PTPRG: variants seen among roughly 807,000 people sequenced by gnomAD.
PTPRG encodes protein tyrosine phosphatase receptor type G, also known as receptor-type tyrosine-protein phosphatase gamma.
In PTPRG, 102 loss-of-function variants were observed where a neutral mutation model predicts 165.3. The ratio of observed to expected loss-of-function variants is 0.62; its 90% CI spans 0.53 to 0.73. PTPRG has a LOEUF of 0.73. Ranked by LOEUF, PTPRG falls within the 30% of genes least tolerant of loss-of-function variation. The probability of loss-of-function intolerance (pLI) is 0.00; values close to 1 mark genes in which losing one functional copy is unlikely to be tolerated. For synonymous variants in PTPRG, 675 were observed against 669.5 expected, an observed-to-expected ratio of 1.01 and a Z score of -0.13; for missense variants, 1,866 against 1,861.4, an observed-to-expected ratio of 1.00 and a Z score of -0.05.
chr3:62,153,189 G>T (rs866128514), intron 6 of PTPRG, among the ~76,000 whole-genome samples: 3 of 152,142 alleles, frequency 2.0e-5, no homozygotes, highest in Non-Finnish European at 4.4e-5. Flanking sequence ...ACGGTTGCTC[G>T]TTCCTAGCTT....
chr3:61,941,592 G>T (rs1002110101), intron 2 of PTPRG, among the ~76,000 whole-genome samples: 1 of 151,658 alleles, frequency 6.6e-6, no homozygotes, highest in Admixed American at 6.6e-5. Flanking sequence ...CTGCACTCCA[G>T]CCTGGGCGAC....
chr3:62,019,650 G>T (rs1662783414), intron 4 of PTPRG, among the ~76,000 whole-genome samples: 1 of 151,924 alleles, frequency 6.6e-6, no homozygotes, highest in South Asian at 2.1e-4. Context: ...AAATATTACT[G>T]CCACACACAC....
chr3:62,012,922 A>G (rs1350162058), intron 4 of PTPRG, among the ~76,000 whole-genome samples: 1 of 152,234 alleles, frequency 6.6e-6, no homozygotes, highest in African/African-American at 2.4e-5. Context: ...TATACTTTTT[A>G]TCTGGATTGA....
intron 5 of PTPRG, among the ~76,000 whole-genome samples, chr3:62,120,674 C>A (rs1336931715): frequency 6.6e-6 from 1 of 151,600 alleles, no homozygotes; most frequent in Non-Finnish European, 1.5e-5. Context: ...TCGCTTGAAC[C>A]CAGAGGTGGA....
At chr3:61,812,576 T>A (rs1014568581) in intron 2 of PTPRG, among the ~76,000 whole-genome samples, 1 of 152,232 alleles carries the variant, frequency 6.6e-6, no homozygotes, top group Non-Finnish European at 1.5e-5. Flanking sequence ...TGGATGCCTT[T>A]GCTCACCAAA....
intron 5 of PTPRG, among the ~76,000 whole-genome samples, chr3:62,104,353 A>G (rs987588067): frequency 6.6e-6 from 1 of 152,198 alleles, no homozygotes. Flanking sequence ...TTGTCAGCCA[A>G]ATATGAGATT....
chr3:62,173,066 C>T (rs183940462), intron 8 of PTPRG, among the ~76,000 whole-genome samples: 5 of 152,316 alleles, frequency 3.3e-5, no homozygotes, highest in Admixed American at 2.6e-4. Context: ...TCCTTGGATG[C>T]TCAAGTCCCT....
At position 61,638,861 on chromosome 3, in the gene PTPRG, G is replaced by A. The variant is rs966915518; in HGVS notation, c.85+76489G>A. Among the ~76,000 whole-genome samples the A allele has an allele frequency of 2.0e-5, 3 of 152,040 alleles. 1 individual carries two copies. Among genetic ancestry groups the A allele is most frequent in the Admixed American group, 1.3e-4 (2 of 15,262 alleles). On this transcript the variant is annotated intron_variant, in intron 1 of 29. Transcript: ENST00000474889. Reference sequence around the variant, plus strand: ...GCAAATATTGTCTCCCATTCTGAAGGTTGTCTGTTTACTCTGCTGATATTT... The same window carrying A: ...GCAAATATTGTCTCCCATTCTGAAGATTGTCTGTTTACTCTGCTGATATTT...
In PTPRG at chr3:62,271,519, G is replaced by T; in HGVS notation, c.3146G>T (p.Arg1049Leu). ...LTFVRRSSAA[R>L]MPETGPVLVH... is the part of the protein sequence containing the mutation. ...TTCGTGAGGAGATCCTCAGCAGCTC[G>T]GATGCCAGAAACGGGCCCTGTGTTG... The change falls in exon 21 of 30, where the codon CGG becomes CTG. Residue 1049 changes from arginine (R) to leucine (L), a missense_variant. Around this residue, in one of 3 missense-constraint regions of PTPRG, gnomAD observed 1,452 missense variants for 1,463.0 expected, o/e 0.99. Transcript: ENST00000474889. The surrounding 1 kb of genome is among the most constrained non-coding windows in gnomAD (Gnocchi z 4.1). 2 of 1,613,778 alleles carry T rather than the reference G, an allele frequency of 1.2e-6. No individual in the cohort carries two copies. Among genetic ancestry groups the T allele is most frequent in the Non-Finnish European group, 1.7e-6 (2 of 1,179,792 alleles).
At chr3:61,934,768 A>C (rs977817893) in intron 2 of PTPRG, among the ~76,000 whole-genome samples, 1 of 151,992 alleles carries the variant, frequency 6.6e-6, no homozygotes, top group Non-Finnish European at 1.5e-5. Flanking sequence ...GTAGTCTTAA[A>C]CTTGGGTGGC....
At chr3:62,090,864 G>A (rs1235503678) in intron 5 of PTPRG, among the ~76,000 whole-genome samples, 1 of 152,136 alleles carries the variant, frequency 6.6e-6, no homozygotes, top group African/African-American at 2.4e-5. Context: ...AGGCGTCTAT[G>A]TATAAATTCC....
At chr3:61,593,997 C>T (rs534377829) in intron 1 of PTPRG, among the ~76,000 whole-genome samples, 3 of 152,138 alleles carry the variant, frequency 2.0e-5, no homozygotes, top group East Asian at 3.9e-4. Flanking sequence ...AAAAATAAAA[C>T]GCATCTCAGG....
intron 2 of PTPRG, among the ~76,000 whole-genome samples, chr3:61,761,807 T>C (rs2033844815): frequency 6.6e-6 from 1 of 152,190 alleles, no homozygotes; most frequent in African/African-American, 2.4e-5. Flanking sequence ...TTCTTAAAGC[T>C]GCATGAAATT....
At chr3:62,170,057 G>C (rs1374394237) in intron 8 of PTPRG, among the ~76,000 whole-genome samples, 2 of 152,120 alleles carry the variant, frequency 1.3e-5, no homozygotes, top group African/African-American at 4.8e-5. Flanking sequence ...TGAGGTTAGT[G>C]AGGAGAAGTG....
At chr3:62,287,376 T>TAATAGAGCTATCATA (rs1162865013) in intron 28 of PTPRG, among the ~76,000 whole-genome samples, 2 of 152,064 alleles carry the variant, frequency 1.3e-5, no homozygotes, top group African/African-American at 4.8e-5. Flanking sequence ...AAATCAGAGT[T>TAATAGAGCTATCATA]AATAGAGCTA....
intron 6 of PTPRG, among the ~76,000 whole-genome samples, chr3:62,140,170 C>A (rs1203670931): frequency 6.6e-6 from 1 of 152,220 alleles, no homozygotes; most frequent in Non-Finnish European, 1.5e-5. Context: ...CTGCACTGTT[C>A]CCCTGCCGGG....
At chr3:61,975,641 TCTAC>T (rs1383762703) in intron 2 of PTPRG, among the ~76,000 whole-genome samples, 2 of 148,454 alleles carry the variant, frequency 1.3e-5, no homozygotes, top group Non-Finnish European at 3.0e-5. Flanking sequence ...GAAATAGAAT[TCTAC>T]CTATTTTTCT....
intron 2 of PTPRG, among the ~76,000 whole-genome samples, chr3:61,793,429 G>T (rs1483368121): frequency 2.0e-5 from 3 of 152,146 alleles, no homozygotes; most frequent in South Asian, 4.1e-4. Context: ...AGAATATGCT[G>T]CATTTTTGGC....
chr3:62,090,436 A>G (rs1701890213), intron 5 of PTPRG, among the ~76,000 whole-genome samples: 1 of 152,178 alleles, frequency 6.6e-6, no homozygotes, highest in African/African-American at 2.4e-5. Flanking sequence ...TCTTTTAGGA[A>G]AAGAGATGAA....
Sources: allele counts gnomAD v4.1 joint callset (sites outside exome capture counted in the v4.1 genomes callset), GRCh38; gene constraint gnomAD v4.1.1; regional missense constraint gnomAD v4.1.1; non-coding constraint Gnocchi (gnomAD v3.1); transcripts MANE v1.5; gene names NCBI Gene and HGNC (gene_info 2026-07-23, HGNC 2026-07-21).